The following POLR3B variants were observed in gnomAD, a reference collection of about 807,000 sequenced individuals.
POLR3B encodes the protein RNA polymerase III subunit B.
In POLR3B, 96 loss-of-function variants were observed where a neutral mutation model predicts 147.4. The observed-to-expected ratio is 0.65, with a 90% CI of 0.55 to 0.77. POLR3B has a LOEUF of 0.77. Among genes scored for constraint, POLR3B ranks in the 30% least tolerant of loss-of-function variants. The pLI, the probability that POLR3B is intolerant of heterozygous loss-of-function variation, is 0.00. For synonymous variants in POLR3B, 461 were observed against 485.9 expected (o/e 0.95, Z 0.67); for missense variants, 1,036 against 1,413.5 (o/e 0.73, Z 4.28).
chr12:106,402,869 T>C (rs1409017061), intron 10 of POLR3B, among the ~76,000 whole-genome samples: 2 of 152,252 alleles, frequency 1.3e-5, no homozygotes, highest in East Asian at 3.9e-4. Context: ...GAAGAAAACC[T>C]AGGCAATACC....
chr12:106,411,241 C>T (rs1014384498), intron 12 of POLR3B, among the ~76,000 whole-genome samples: 1 of 152,156 alleles, frequency 6.6e-6, no homozygotes, highest in Non-Finnish European at 1.5e-5. Context: ...TGGGTTCAAG[C>T]GATTCTCCTG....
intron 1 of POLR3B, among the ~76,000 whole-genome samples, chr12:106,360,341 C>A (rs976058448): frequency 2.6e-5 from 4 of 152,204 alleles, no homozygotes; most frequent in Non-Finnish European, 5.9e-5. Context: ...GCTTACTTCT[C>A]TAGTCTCTTT....
In POLR3B at chr12:106,413,808, A is replaced by C. The variant is rs1267000005; in HGVS notation, c.1101+2848A>C. 5.3e-5 allele frequency among the ~76,000 whole-genome samples: 8 copies of C among 151,824 alleles called. No homozygotes were observed. The East Asian group carries it at 9.7e-4, about 18-fold the overall frequency. ...TCTATTATCTTTGTTCCTTTACTGC[A>C]TTCTGTGCGATTGTTTTTCTAATTT... On this transcript the variant is annotated intron_variant, in intron 12 of 27. Coordinates refer to ENST00000228347, the MANE Select transcript of POLR3B (RefSeq NM_018082.6).
chr12:106,396,784 G>C (rs2036985017), intron 10 of POLR3B, among the ~76,000 whole-genome samples: 1 of 140,164 alleles, frequency 7.1e-6, no homozygotes, highest in African/African-American at 2.9e-5. Flanking sequence ...TAAGCTGAAA[G>C]TCTTTTTTTT....
At chr12:106,399,642 T>C (rs1316226502) in intron 10 of POLR3B, among the ~76,000 whole-genome samples, 1 of 152,190 alleles carries the variant, frequency 6.6e-6, no homozygotes, top group Non-Finnish European at 1.5e-5. Flanking sequence ...GCAGAAACTC[T>C]ACAAGCCAGA....
chr12:106,479,345 T>C (rs11113009), intron 23 of POLR3B, among the ~76,000 whole-genome samples: 37,926 of 151,790 alleles, frequency 0.25, 5,364 homozygotes, highest in African/African-American at 0.38. Context: ...TTTAAATTTC[T>C]AATTAAATGT....
intron 19 of POLR3B, among the ~76,000 whole-genome samples, chr12:106,448,573 A>C (rs1474540062): frequency 4.0e-5 from 6 of 150,092 alleles, no homozygotes; most frequent in African/African-American, 1.5e-4. Context: ...AGTAGCTGGG[A>C]CTACAGATGC....
chr12:106,404,924 G>A (rs1389565661), intron 10 of POLR3B, among the ~76,000 whole-genome samples: 1 of 152,072 alleles, frequency 6.6e-6, no homozygotes, highest in Non-Finnish European at 1.5e-5. Context: ...TTTTGAGGTA[G>A]GGGTCAAGAT....
At position 106,504,754 on chromosome 12, in the gene POLR3B, T is replaced by TG. The variant is rs2038659833; in HGVS notation, c.3272+502dup. ...CCCCTTGTCTGTACTCTCTCTGCCA[T>TG]GGCTAGCTGCTTCACACTTGTACTG... On this transcript the variant is annotated intron_variant, in intron 27 of 27. Transcript: ENST00000228347. This position sits in a 1 kb window ranked among gnomAD's most constrained non-coding sequence, Gnocchi z 4.6. 6.6e-6 allele frequency among the ~76,000 whole-genome samples: 1 copy of TG among 152,200 alleles called. No homozygotes were observed. The highest frequency in any genetic ancestry group is 6.5e-5 in the Admixed American group (1 of 15,284).
chr12:106,363,722 G>A, intron 1 of POLR3B, 148 bp from the exon 2 acceptor site: 5 of 696,402 alleles, frequency 7.2e-6, no homozygotes, highest in Non-Finnish European at 1.3e-5. Context: ...ATATGCATAT[G>A]CACACATGTG....
intron 1 of POLR3B, 130 bp downstream of exon 1, chr12:106,358,081 C>A: frequency 6.5e-7 from 1 of 1,530,928 alleles, no homozygotes; most frequent in South Asian, 1.2e-5. Context: ...TGCGCATGCC[C>A]AGAGCGTCGC....
At chr12:106,501,532 G>A in intron 26 of POLR3B, 96 bp downstream of exon 26, 1 of 770,728 alleles carries the variant, frequency 1.3e-6, no homozygotes. Context: ...CAAAGTTTCT[G>A]TTTTCCTGAG....
chr12:106,382,419 C>T (rs1030289839), intron 9 of POLR3B, among the ~76,000 whole-genome samples: 4 of 152,116 alleles, frequency 2.6e-5, no homozygotes, highest in African/African-American at 7.2e-5. Context: ...AAGAGTGAAT[C>T]CTTTGTAGAA....
intron 12 of POLR3B, among the ~76,000 whole-genome samples, chr12:106,415,551 G>A (rs1023069212): frequency 6.6e-6 from 1 of 152,144 alleles, no homozygotes; most frequent in African/African-American, 2.4e-5. Flanking sequence ...TACTTTCTGA[G>A]TCCCCTGGAA....
At chr12:106,509,044 A>G (rs1296339801) in intron 27 of POLR3B, among the ~76,000 whole-genome samples, 1 of 152,238 alleles carries the variant, frequency 6.6e-6, no homozygotes, top group East Asian at 1.9e-4. Flanking sequence ...AAAACTCTTT[A>G]AACAATGAAA....
Position 106,410,978 on chromosome 12 carries a change from G to A in POLR3B, c.1101+18G>A. On this transcript the variant is annotated intron_variant, in intron 12 of 27. Coordinates refer to ENST00000228347, the MANE Select transcript of POLR3B (RefSeq NM_018082.6). ...CAGGACAGGTGATTTAATATTTTAT[G>A]TCAGAAATCTTGTTTTCCTTAATGA... 3 of 1,605,696 alleles carry A rather than the reference G, an allele frequency of 1.9e-6. No individual in the cohort carries two copies. The highest frequency in any genetic ancestry group is 2.6e-6 in the Non-Finnish European group (3 of 1,172,942).
intron 9 of POLR3B, among the ~76,000 whole-genome samples, chr12:106,384,026 C>T (rs1343427979): frequency 4.0e-5 from 6 of 151,842 alleles, no homozygotes; most frequent in South Asian, 2.1e-4. Flanking sequence ...ATCACAGGTC[C>T]CCATAACAGT....
In POLR3B at chr12:106,449,893, T is replaced by A. The variant is rs543237887; in HGVS notation, c.2084-4609T>A. Among the ~76,000 whole-genome samples, 4 of 152,324 alleles carry A rather than the reference T, an allele frequency of 2.6e-5. No homozygotes were observed. In the East Asian group the frequency reaches 7.7e-4, roughly 29 times the overall value. Reference sequence around the variant, plus strand: ...TTTCAAAAATGAATGAATGAATGAATCTCTGAGAATATTAAAATCATTAAG... The same window carrying A: ...TTTCAAAAATGAATGAATGAATGAAACTCTGAGAATATTAAAATCATTAAG... On this transcript the variant is annotated intron_variant, in intron 19 of 27. Coordinates refer to ENST00000228347, the MANE Select transcript of POLR3B (RefSeq NM_018082.6).
At chr12:106,415,389 A>G (rs1011556961) in intron 12 of POLR3B, among the ~76,000 whole-genome samples, 2 of 152,220 alleles carry the variant, frequency 1.3e-5, no homozygotes, top group Non-Finnish European at 2.9e-5. Context: ...GTTGGTGACA[A>G]TTCTACTTAT....
Sources: allele counts gnomAD v4.1 joint callset (sites outside exome capture counted in the v4.1 genomes callset), GRCh38; gene constraint gnomAD v4.1.1; non-coding constraint Gnocchi (gnomAD v3.1); transcripts MANE v1.5; gene names NCBI Gene and HGNC (gene_info 2026-07-23, HGNC 2026-07-21).